KLRG1: variants seen among roughly 807,000 people sequenced by gnomAD.
KLRG1 encodes killer cell lectin-like receptor subfamily G member 1.
KLRG1 carries 16 observed loss-of-function variants against 21.8 expected under a neutral mutation model. The ratio of observed to expected loss-of-function variants is 0.73; its 90% confidence interval spans 0.50 to 1.11. The LOEUF is 1.11. KLRG1 is among the 50% of genes most tolerant of loss of function. The probability of loss-of-function intolerance (pLI) is 0.00; values close to 1 mark genes in which losing one functional copy is unlikely to be tolerated. For synonymous variants in KLRG1, 69 were observed against 75.9 expected (o/e 0.91, Z 0.47); for missense variants, 173 against 218.3 (o/e 0.79, Z 1.31).
the KLRG1 span, among the ~76,000 whole-genome samples, chr12:9,179,111 AT>A: frequency 6.6e-6 from 1 of 152,104 alleles, no homozygotes; most frequent in African/African-American, 2.4e-5. Context: ...TCATAACATT[AT>A]TTTTTCTTGC....
At chr12:9,009,386 C>T (rs1947578128) in intron 4 of KLRG1, 40 bp from the exon 5 acceptor site, 1 of 1,610,160 alleles carries the variant, frequency 6.2e-7, no homozygotes, top group Admixed American at 1.7e-5. Context: ...CTTTTCTGTG[C>T]ATGCGGCCTT....
At chr12:9,045,671 T>G in the KLRG1 span, among the ~76,000 whole-genome samples, 1 of 152,000 alleles carries the variant, frequency 6.6e-6, no homozygotes, top group Non-Finnish European at 1.5e-5. Context: ...AGACTGAAAC[T>G]CTAAGAAAGA....
chr12:9,004,562 G>C (rs1947411476), intron 3 of KLRG1, among the ~76,000 whole-genome samples: 2 of 152,140 alleles, frequency 1.3e-5, no homozygotes, highest in Admixed American at 1.3e-4. Flanking sequence ...TCAAACTCCT[G>C]GGCTCAAGTG....
the KLRG1 span, chr12:9,166,284 T>G: frequency 1.4e-6 from 2 of 1,424,608 alleles, no homozygotes; most frequent in Non-Finnish European, 1.9e-6. Context: ...GAGAACAAAA[T>G]TTTCAGTTTT....
At chr12:9,152,969 C>T in the KLRG1 span, 6 of 1,613,900 alleles carry the variant, frequency 3.7e-6, no homozygotes, top group Non-Finnish European at 5.1e-6. Flanking sequence ...ACAGCAAAGA[C>T]ACTATCAGTT....
chr12:9,198,737 G>A, the KLRG1 span, among the ~76,000 whole-genome samples: 1 of 152,066 alleles, frequency 6.6e-6, no homozygotes, highest in Non-Finnish European at 1.5e-5. Context: ...TTTGCAAATG[G>A]CTCTGAAATT....
chr12:9,185,247 C>G, the KLRG1 span, among the ~76,000 whole-genome samples: 1 of 152,178 alleles, frequency 6.6e-6, no homozygotes, highest in South Asian at 2.1e-4. Flanking sequence ...ACCAACCTGA[C>G]AGAGCTGAAC....
the KLRG1 span, among the ~76,000 whole-genome samples, chr12:9,130,432 A>G: frequency 4.0e-4 from 61 of 151,760 alleles, no homozygotes; most frequent in African/African-American, 1.3e-3. Context: ...AAGGGTTTCA[A>G]TTTGTCCCCA....
At chr12:9,208,434 A>G in the KLRG1 span, 3 of 934,036 alleles carry the variant, frequency 3.2e-6, no homozygotes, top group Admixed American at 5.8e-5. Flanking sequence ...TGTGGCCACT[A>G]TGTACAAACA....
the KLRG1 span, chr12:9,077,459 T>G: frequency 1.3e-6 from 2 of 1,576,128 alleles, no homozygotes; most frequent in South Asian, 2.3e-5. Flanking sequence ...ATTCAACTTC[T>G]GAGAATGCTA....
chr12:8,989,632 G>A lies in KLRG1; in HGVS notation c.-4G>A. 6.3e-7 allele frequency: 1 copy of A among 1,592,454 alleles called. No homozygotes were observed. Among genetic ancestry groups the A allele is most frequent in the Non-Finnish European group, 8.6e-7 (1 of 1,161,972 alleles). Reference sequence around the variant, plus strand: ...CAACTGCATGTGAAAGATCTTAGCTGAAGATGACTGACAGTGTTATTTATT... The same window carrying A: ...CAACTGCATGTGAAAGATCTTAGCTAAAGATGACTGACAGTGTTATTTATT... On this transcript the variant is annotated 5_prime_UTR_variant, in exon 1 of 5. Transcript: ENST00000356986.
At chr12:9,045,928 A>G in the KLRG1 span, among the ~76,000 whole-genome samples, 2 of 152,286 alleles carry the variant, frequency 1.3e-5, no homozygotes, top group Admixed American at 6.5e-5. Flanking sequence ...GCAAACTAAC[A>G]CAGGAACACA....
chr12:9,112,233 T>C, the KLRG1 span: 1 of 1,613,820 alleles, frequency 6.2e-7, no homozygotes, highest in Non-Finnish European at 8.5e-7. Flanking sequence ...ATATTTTTCA[T>C]GAGCCCCCAA....
the KLRG1 span, among the ~76,000 whole-genome samples, chr12:9,046,091 T>C: frequency 2.0e-5 from 3 of 151,986 alleles, no homozygotes; most frequent in Admixed American, 1.3e-4. Context: ...AATACCTAGG[T>C]GATGGGTTGA....
chr12:8,994,419 A>T (rs1947069591), intron 2 of KLRG1, among the ~76,000 whole-genome samples: 2 of 152,166 alleles, frequency 1.3e-5, no homozygotes, highest in South Asian at 4.1e-4. Context: ...AGGAATGTGG[A>T]TCTTCCGTAT....
At chr12:8,989,467 T>C, upstream of KLRG1, 1 of 551,974 alleles carries the variant, frequency 1.8e-6, no homozygotes, top group East Asian at 3.2e-5. Context: ...ACAATATTAA[T>C]TTCTATAGGC....
the KLRG1 span, among the ~76,000 whole-genome samples, chr12:9,136,735 C>T: frequency 2.0e-5 from 3 of 152,038 alleles, no homozygotes; most frequent in South Asian, 2.1e-4. Flanking sequence ...ATGTGTGAAG[C>T]GATATCTCAT....
the KLRG1 span, chr12:9,111,898 A>C: frequency 1.8e-6 from 1 of 553,466 alleles, no homozygotes; most frequent in African/African-American, 1.8e-5. Flanking sequence ...GTATCTTTCT[A>C]ATTGTCCTAA....
the KLRG1 span, among the ~76,000 whole-genome samples, chr12:9,034,289 T>G: frequency 6.6e-6 from 1 of 152,196 alleles, no homozygotes; most frequent in Non-Finnish European, 1.5e-5. Flanking sequence ...GCACAACACA[T>G]TACTCATTAC....
Sources: allele counts gnomAD v4.1 joint callset (sites outside exome capture counted in the v4.1 genomes callset), GRCh38; gene constraint gnomAD v4.1.1; transcripts MANE v1.5; gene names NCBI Gene and HGNC (gene_info 2026-07-23, HGNC 2026-07-21).